ECT2: variants seen among roughly 807,000 people sequenced by gnomAD.
ECT2 encodes epithelial cell transforming 2, also known as protein ECT2.
A neutral mutation model predicts 116.9 loss-of-function variants in ECT2; 61 were observed. The observed-to-expected ratio is 0.52, with a 90% CI of 0.42 to 0.65. ECT2 has a LOEUF of 0.65. ECT2 is among the 30% of genes least tolerant of loss of function. ECT2 has a pLI of 0.00. For synonymous variants in ECT2, 358 were observed against 346.4 expected (o/e 1.03, Z -0.37); for missense variants, 937 against 1,078.7 (o/e 0.87, Z 1.84).
At chr3:172,796,705 C>T (rs1668315839) in intron 18 of ECT2, 1 of 152,136 alleles carries the variant, frequency 6.6e-6, no homozygotes, top group South Asian at 2.1e-4. Context: ...CTCACCCGGT[C>T]GCCCAGGCTA....
chr3:172,761,824 G>T, intron 8 of ECT2, 141 bp downstream of exon 8: 1 of 452,866 alleles, frequency 2.2e-6, no homozygotes, highest in Non-Finnish European at 3.9e-6. Context: ...AATCTAGGGA[G>T]AACAAGTTAT....
At chr3:172,775,561 A>AT (rs1721497266) in intron 14 of ECT2, among the ~76,000 whole-genome samples, 1 of 152,130 alleles carries the variant, frequency 6.6e-6, no homozygotes, top group Non-Finnish European at 1.5e-5. Flanking sequence ...TACTCTTGGA[A>AT]TATTTTTTGT....
intron 18 of ECT2, among the ~76,000 whole-genome samples, chr3:172,792,161 G>C (rs148017251): frequency 1.5e-4 from 23 of 152,256 alleles, no homozygotes; most frequent in African/African-American, 3.6e-4. Flanking sequence ...TAACATCAAA[G>C]ATCACTGATC....
intron 22 of ECT2, among the ~76,000 whole-genome samples, chr3:172,815,043 C>A (rs965466067): frequency 1.3e-5 from 2 of 152,076 alleles, no homozygotes; most frequent in African/African-American, 4.8e-5. Context: ...GTCTTTGATT[C>A]CTTTGGGAAT....
downstream of ECT2, among the ~76,000 whole-genome samples, chr3:172,826,300 A>G (rs1021499482): frequency 5.9e-5 from 9 of 152,230 alleles, no homozygotes; most frequent in African/African-American, 2.2e-4. Context: ...ACTTGAAGCT[A>G]TGTTTATTGA....
intron 16 of ECT2, 71 bp from the exon 17 acceptor site, chr3:172,784,636 C>A: frequency 9.4e-7 from 1 of 1,068,174 alleles, no homozygotes; most frequent in Non-Finnish European, 1.5e-6. Flanking sequence ...ATAAGGTGTA[C>A]TCCAGTAAAA....
At chr3:172,774,120 A>G (rs894594298) in intron 14 of ECT2, 98 bp downstream of exon 14, 21 of 1,144,388 alleles carry the variant, frequency 1.8e-5, no homozygotes, top group Non-Finnish European at 2.5e-5. Flanking sequence ...TAAGTTTTGT[A>G]CCTAAAACTT....
At chr3:172,775,253 T>C (rs57389597) in intron 14 of ECT2, among the ~76,000 whole-genome samples, 9,341 of 152,320 alleles carry the variant, frequency 0.061, 967 homozygotes, top group African/African-American at 0.21. Flanking sequence ...AATATTTATG[T>C]CACATTCCAG....
At chr3:172,791,827 TCA>T (rs1187948410) in intron 18 of ECT2, among the ~76,000 whole-genome samples, 10 of 152,354 alleles carry the variant, frequency 6.6e-5, no homozygotes, top group East Asian at 1.9e-4. Context: ...TCTTTTGCAT[TCA>T]CAGTTTGGCT....
At position 172,758,116 on chromosome 3, in the gene ECT2, T is replaced by C. The variant is rs2108434718; in HGVS notation, c.487-864T>C. ...CTCACGTTATCTTCCTGCCTCTGCC[T>C]CCCAAAGTGTTGAGATTACAGGCAT... On this transcript the variant is annotated intron_variant, in intron 5 of 24. Transcript: ENST00000392692. 2.0e-5 allele frequency among the ~76,000 whole-genome samples: 3 copies of C among 152,240 alleles called. No homozygotes were observed. In the South Asian group the frequency reaches 6.2e-4, roughly 32 times the overall value.
At chr3:172,779,487 C>T (rs75631537) in intron 14 of ECT2, among the ~76,000 whole-genome samples, 311 of 152,108 alleles carry the variant, frequency 2.0e-3, no homozygotes, top group African/African-American at 7.4e-3. Context: ...GAAGTTTTAC[C>T]TATGTGGATT....
intron 18 of ECT2, among the ~76,000 whole-genome samples, chr3:172,788,298 T>C (rs1723971458): frequency 1.3e-5 from 2 of 152,244 alleles, no homozygotes; most frequent in South Asian, 4.1e-4. Flanking sequence ...AATTGAATTC[T>C]AACAACATCA....
chr3:172,773,977 T>A lies in ECT2; in HGVS notation c.1503T>A (p.Ile501=), dbSNP rs763938525. 1 of 1,613,278 alleles carries A rather than the reference T, an allele frequency of 6.2e-7. No homozygotes were observed. The highest frequency in any genetic ancestry group is 1.7e-5 in the Admixed American group (1 of 60,016). ...PILAPEEIKT[I]FGSIPDIFDV... ...TTGCACCAGAGGAGATTAAGACTAT[T>A]TTTGGTAGCATCCCAGATATCTTTG... The change falls in exon 14 of 25, where the codon ATT becomes ATA. Residue 501 remains isoleucine, a synonymous_variant. Transcript: ENST00000392692.
intron 4 of ECT2, 63 bp from the exon 5 acceptor site, chr3:172,756,920 A>C (rs1717098769): frequency 7.3e-7 from 1 of 1,374,430 alleles, no homozygotes; most frequent in Non-Finnish European, 1.0e-6. Flanking sequence ...CCTTATTTAG[A>C]GAGACAGATG....
intron 23 of ECT2, 135 bp downstream of exon 23, chr3:172,815,846 C>T (rs1277259196): frequency 1.6e-6 from 1 of 632,498 alleles, no homozygotes; most frequent in Non-Finnish European, 2.8e-6. Flanking sequence ...GGAAATGACC[C>T]ACAGAAACAA....
intron 18 of ECT2, among the ~76,000 whole-genome samples, chr3:172,794,166 G>T (rs944493822): frequency 4.0e-5 from 6 of 151,828 alleles, no homozygotes; most frequent in Non-Finnish European, 7.4e-5. Flanking sequence ...AGAAATATTT[G>T]TCTAACCCAA....
intron 5 of ECT2, among the ~76,000 whole-genome samples, chr3:172,757,485 A>G (rs1717251319): frequency 7.2e-6 from 1 of 138,102 alleles, no homozygotes; most frequent in South Asian, 2.2e-4. Context: ...GCACGATCTC[A>G]GCTCACTGCA....
At chr3:172,829,097 A>T in the ECT2 span, 1 of 688,394 alleles carries the variant, frequency 1.5e-6, no homozygotes, top group Non-Finnish European at 2.7e-6. Flanking sequence ...AAGGAGGCAG[A>T]CACAGGCCTG....
chr3:172,757,796 CTT>C (rs1206311017), intron 5 of ECT2, among the ~76,000 whole-genome samples: 2 of 152,086 alleles, frequency 1.3e-5, no homozygotes, highest in African/African-American at 2.4e-5. Flanking sequence ...TATACATAAA[CTT>C]TTATTTTTCT....
Sources: gnomAD v4.1 joint callset for allele counts (sites outside exome capture counted in the v4.1 genomes callset) on GRCh38, gnomAD v4.1.1 for gene constraint, MANE v1.5 for transcripts, NCBI Gene and HGNC (gene_info 2026-07-23, HGNC 2026-07-21) for gene names.